The following NTM variants were observed in gnomAD, a reference collection of about 807,000 sequenced individuals.
The protein encoded by NTM is neurotrimin.
A neutral mutation model predicts 42.1 loss-of-function variants in NTM; 13 were observed. The ratio of observed to expected loss-of-function variants is 0.31; its 90% CI spans 0.20 to 0.49. The LOEUF (loss-of-function observed/expected upper bound fraction) is 0.49. NTM is among the 20% of genes least tolerant of loss of function. The pLI is 0.99. For missense variants in NTM, 373 were observed against 452.8 expected, an observed-to-expected ratio of 0.82 and a Z score of 1.60; for synonymous variants, 187 against 179.2, an observed-to-expected ratio of 1.04 and a Z score of -0.35.
At chr11:132,264,483 T>A (rs2093056970) in intron 4 of NTM, among the ~76,000 whole-genome samples, 1 of 152,224 alleles carries the variant, frequency 6.6e-6, no homozygotes, top group South Asian at 2.1e-4. Context: ...TATAGTATCA[T>A]TTGTCATACA....
intron 3 of NTM, among the ~76,000 whole-genome samples, chr11:132,164,572 C>A (rs2074958941): frequency 6.6e-6 from 1 of 152,178 alleles, no homozygotes. Context: ...ACCTGTGGAA[C>A]CTCGGTGACG....
At chr11:132,126,715 C>T (rs1023503654) in intron 2 of NTM, among the ~76,000 whole-genome samples, 2 of 152,148 alleles carry the variant, frequency 1.3e-5, no homozygotes, top group African/African-American at 4.8e-5. Flanking sequence ...AAGAGCCCTA[C>T]CAGGAGGCAA....
intron 1 of NTM, among the ~76,000 whole-genome samples, chr11:131,808,764 G>C (rs1272088004): frequency 1.3e-5 from 2 of 152,108 alleles, no homozygotes; most frequent in Non-Finnish European, 2.9e-5. Flanking sequence ...CAAATAGGAG[G>C]GGGAATATTC....
At chr11:131,617,986 C>T (rs2062122315) in intron 1 of NTM, among the ~76,000 whole-genome samples, 1 of 152,170 alleles carries the variant, frequency 6.6e-6, no homozygotes, top group Non-Finnish European at 1.5e-5. Context: ...CCGGGCTACT[C>T]TGATGTGGCC....
chr11:131,865,969 A>ACACACC lies in NTM; in HGVS notation c.83-45595_83-45594insCACACC, dbSNP rs1565647099. 1.4e-5 allele frequency among the ~76,000 whole-genome samples: 2 copies of ACACACC among 144,240 alleles called. 1 individual carries two copies. The highest frequency in any genetic ancestry group is 3.0e-5 in the Non-Finnish European group (2 of 65,578). The allele number at this position is 144,240 out of a possible 152,430, so 94.6% of individuals were successfully genotyped here. A position where few individuals can be genotyped will look rare whatever the true frequency, so the allele number is the denominator to read the frequency against. On this transcript the variant is annotated intron_variant, in intron 1 of 8. Transcript: ENST00000683400. ...CATGCTACATACACACATGCTACACATACACCTCCCACACACTCTCACACA... is the reference window on the plus strand; with the variant it reads ...CATGCTACATACACACATGCTACACACACACCTACACCTCCCACACACTCTCACACA...
At chr11:131,478,754 A>G (rs528625229) in intron 1 of NTM, among the ~76,000 whole-genome samples, 8 of 152,352 alleles carry the variant, frequency 5.3e-5, no homozygotes, top group South Asian at 4.1e-4. Flanking sequence ...TCCTACCCAG[A>G]AATGGTTACA....
intron 1 of NTM, among the ~76,000 whole-genome samples, chr11:131,631,043 A>C (rs924210549): frequency 3.9e-5 from 6 of 152,222 alleles, no homozygotes; most frequent in African/African-American, 1.4e-4. Flanking sequence ...TCTGTTGATC[A>C]GAGTGAAATC....
chr11:131,819,416 C>T (rs1177714703), intron 1 of NTM, among the ~76,000 whole-genome samples: 1 of 152,192 alleles, frequency 6.6e-6, no homozygotes, highest in Non-Finnish European at 1.5e-5. Context: ...ACCACACATC[C>T]TACTGTCCTG....
chr11:132,255,792 C>T (rs1458052143), intron 4 of NTM, among the ~76,000 whole-genome samples: 1 of 152,066 alleles, frequency 6.6e-6, no homozygotes, highest in Non-Finnish European at 1.5e-5. Context: ...CACTTGGGTG[C>T]CCACTTCCAT....
At chr11:132,063,753 C>T (rs1026011390) in intron 2 of NTM, among the ~76,000 whole-genome samples, 4 of 152,214 alleles carry the variant, frequency 2.6e-5, no homozygotes, top group Admixed American at 6.5e-5. Context: ...ACGTGTCCTT[C>T]TTTCCCCTGC....
intron 2 of NTM, among the ~76,000 whole-genome samples, chr11:132,111,063 C>CAAAAAAAAAAAAAAAAAAAA (rs57458373): frequency 5.6e-5 from 2 of 35,440 alleles, no homozygotes; most frequent in Non-Finnish European, 9.3e-5. Flanking sequence ...GGCCCTATCT[C>CAAAAAAAAAAAAAAAAAAAA]AAAAAAAAAA....
At chr11:131,580,158 A>AC (rs2058280073) in intron 1 of NTM, among the ~76,000 whole-genome samples, 1 of 151,966 alleles carries the variant, frequency 6.6e-6, no homozygotes, top group Non-Finnish European at 1.5e-5. Context: ...CATTTTGCTA[A>AC]CCCCCTCTAT....
chr11:132,140,851 G>A (rs1275117986), intron 2 of NTM, among the ~76,000 whole-genome samples: 1 of 152,200 alleles, frequency 6.6e-6, no homozygotes, highest in Non-Finnish European at 1.5e-5. Flanking sequence ...CAAGCCGAAT[G>A]CTCAGAGGCA....
At chr11:132,086,514 T>C (rs1054750390) in intron 2 of NTM, among the ~76,000 whole-genome samples, 5 of 152,280 alleles carry the variant, frequency 3.3e-5, no homozygotes, top group Admixed American at 2.6e-4. Flanking sequence ...TCCTTTTAAG[T>C]CCCTTATTAC....
At chr11:131,624,915 G>C (rs553429224) in intron 1 of NTM, among the ~76,000 whole-genome samples, 26 of 152,272 alleles carry the variant, frequency 1.7e-4, no homozygotes, top group Non-Finnish European at 3.5e-4. Context: ...CAGTTTAGTT[G>C]GCTGCATTCA....
In NTM at chr11:131,763,709, C is replaced by CTTTTTTTTTTTTTTTTTT. The variant is rs557522093; in HGVS notation, c.83-147846_83-147829dup. 3.1e-3 allele frequency among the ~76,000 whole-genome samples: 219 copies of CTTTTTTTTTTTTTTTTTT among 71,336 alleles called. 38 individuals carry two copies. The highest frequency in any genetic ancestry group is 4.8e-3 in the East Asian group (10 of 2,084). 46.8% of individuals were successfully genotyped at this position (71,336 alleles called of 152,430 possible). On this transcript the variant is annotated intron_variant, in intron 1 of 8. Coordinates refer to ENST00000683400, the MANE Select transcript of NTM (RefSeq NM_001352005.2). ...CTTATCCACAGGCCCATCTCTCTCT[C>CTTTTTTTTTTTTTTTTTT]TTTTTTTTTTTTTTTTTTTTTTTTT...
At chr11:131,892,048 A>T (rs2051432488) in intron 1 of NTM, among the ~76,000 whole-genome samples, 1 of 152,206 alleles carries the variant, frequency 6.6e-6, no homozygotes, top group African/African-American at 2.4e-5. Context: ...TTGGAGTTAG[A>T]CGACTAAATT....
At chr11:132,256,323 C>T (rs903814784) in intron 4 of NTM, among the ~76,000 whole-genome samples, 7 of 152,202 alleles carry the variant, frequency 4.6e-5, no homozygotes, top group African/African-American at 1.4e-4. Context: ...AAATGAGCAA[C>T]GCCCATCACC....
chr11:131,617,586 G>A (rs2062070132), intron 1 of NTM, among the ~76,000 whole-genome samples: 1 of 152,148 alleles, frequency 6.6e-6, no homozygotes, highest in African/African-American at 2.4e-5. Flanking sequence ...GTGCTGAGCA[G>A]TATGGGTGAT....
Sources: allele counts gnomAD v4.1 joint callset (sites outside exome capture counted in the v4.1 genomes callset), GRCh38; gene constraint gnomAD v4.1.1; transcripts MANE v1.5; gene names NCBI Gene and HGNC (gene_info 2026-07-23, HGNC 2026-07-21).